The following USP42 variants were observed in gnomAD, a reference collection of about 807,000 sequenced individuals.
USP42 encodes ubiquitin carboxyl-terminal hydrolase 42.
USP42 carries 23 observed loss-of-function variants against 113.0 expected under a neutral mutation model. The observed-to-expected ratio is 0.20, with a 90% CI of 0.15 to 0.29. USP42 has a LOEUF of 0.29. Among genes scored for constraint, USP42 ranks in the 10% least tolerant of loss-of-function variants. The pLI, the probability that USP42 is intolerant of heterozygous loss-of-function variation, is 1.00. For synonymous variants in USP42, 933 were observed against 699.0 expected, an observed-to-expected ratio of 1.33 and a Z score of -5.28; for missense variants, 2,174 against 1,779.8, an observed-to-expected ratio of 1.22 and a Z score of -3.99.
At chr7:6,121,074 A>G (rs530829287) in intron 3 of USP42, among the ~76,000 whole-genome samples, 2 of 152,100 alleles carry the variant, frequency 1.3e-5, no homozygotes, top group East Asian at 1.9e-4. Context: ...AGACGCAACT[A>G]TGTGATACGT....
At chr7:6,136,055 A>C in intron 4 of USP42, 104 bp downstream of exon 4, 2 of 691,600 alleles carry the variant, frequency 2.9e-6, no homozygotes, top group Non-Finnish European at 4.5e-6. Flanking sequence ...CCTAGGCTGG[A>C]ATGTAGTGGC....
intron 1 of USP42, among the ~76,000 whole-genome samples, chr7:6,108,358 T>G (rs558067596): frequency 6.6e-6 from 1 of 152,168 alleles, no homozygotes; most frequent in Non-Finnish European, 1.5e-5. Flanking sequence ...GGCAACGTAG[T>G]GAGACCCTGT....
chr7:6,125,751 CTTTTGTTTTGT>C (rs1292224129), intron 3 of USP42, among the ~76,000 whole-genome samples: 3 of 149,166 alleles, frequency 2.0e-5, no homozygotes, highest in African/African-American at 7.4e-5. Context: ...TTTTTCCTTA[CTTTTGTTTTGT>C]TTTGTTTTTT....
chr7:6,151,526 C>G (rs1782050070), intron 14 of USP42, among the ~76,000 whole-genome samples: 1 of 152,222 alleles, frequency 6.6e-6, no homozygotes, highest in South Asian at 2.1e-4. Flanking sequence ...CAGCCTCCGC[C>G]TCCCAAGTTC....
the USP42 span, among the ~76,000 whole-genome samples, chr7:6,091,979 TTCTTCTTCTTC>T: frequency 9.2e-5 from 2 of 21,646 alleles, 1 homozygote; most frequent in African/African-American, 2.8e-4. Context: ...GACGTATTTT[TTCTTCTTCTTC>T]TTCTTCTTCT....
At chr7:6,122,013 T>G (rs1289546752) in intron 3 of USP42, among the ~76,000 whole-genome samples, 1 of 152,198 alleles carries the variant, frequency 6.6e-6, no homozygotes, top group Non-Finnish European at 1.5e-5. Flanking sequence ...ACTGATCTTC[T>G]CAAAGAACGA....
rs1178268251 is a variant in USP42 at position 6,154,006 on chromosome 7, C to T, written c.2452C>T (p.Leu818=). Residue 818 remains leucine (L), a synonymous_variant, in exon 15 of 18, where the codon CTG becomes TTG. Transcript: ENST00000306177. ...CGTGGGGGACACAGCACCCCCTGAC[C>T]TGTGTGATCCCGGGAGCTTAACAGG... The part of the protein sequence containing the change: ...DIVGDTAPPD[L]CDPGSLTGDA... 3.1e-6 allele frequency: 5 copies of T among 1,603,380 alleles called. No homozygotes were observed. Among genetic ancestry groups the T allele is most frequent in the East Asian group, 2.2e-5 (1 of 44,848 alleles).
Position 6,157,194 on chromosome 7 carries a change from G to A in USP42, c.3943+139G>A. 3 of 1,432,344 alleles carry A rather than the reference G, an allele frequency of 2.1e-6. No homozygotes were observed. The highest frequency in any genetic ancestry group is 2.7e-6 in the Non-Finnish European group (3 of 1,098,662). 88.7% of individuals were successfully genotyped at this position (1,432,344 alleles called of 1,614,324 possible). The stretch of plus-strand genomic sequence containing the variant: ...TACTCAGAGCACCCCTGCCCTGCCT[G>A]GTCTGGCCTCAGTGCTCATCCCTGC... On this transcript the variant is annotated intron_variant, in intron 16 of 17. Transcript: ENST00000306177. This position sits in a 1 kb window ranked among gnomAD's most constrained non-coding sequence, Gnocchi z 4.1.
chr7:6,100,682 CTTT>C (rs1228529787), upstream of USP42, among the ~76,000 whole-genome samples: 6 of 130,136 alleles, frequency 4.6e-5, no homozygotes, highest in African/African-American at 6.0e-5. Context: ...TATCCACTGT[CTTT>C]TTTTTTTTTT....
chr7:6,086,220 T>G, the USP42 span, among the ~76,000 whole-genome samples: 3 of 145,762 alleles, frequency 2.1e-5, no homozygotes, highest in Admixed American at 6.8e-5. Flanking sequence ...TTTTTTTTTT[T>G]TTTGAGACAG....
chr7:6,105,692 C>T (rs1779240991), intron 1 of USP42, among the ~76,000 whole-genome samples: 1 of 152,222 alleles, frequency 6.6e-6, no homozygotes, highest in Admixed American at 6.5e-5. Context: ...TGGCGCGTCC[C>T]CAAAAGCATG....
Position 6,145,670 on chromosome 7 carries a change from A to C in USP42, c.1131+14A>C, listed in dbSNP as rs200495011. 2.3e-5 allele frequency: 37 copies of C among 1,610,142 alleles called. No homozygotes were observed. The highest frequency in any genetic ancestry group is 2.7e-5 in the Non-Finnish European group (32 of 1,177,872). On this transcript the variant is annotated intron_variant, in intron 10 of 17. Coordinates refer to ENST00000306177, the MANE Select transcript of USP42 (RefSeq NM_032172.3). ...TGCTACATAAAAGTAAGCTGTGCAG[A>C]TTTGCTATTAACTATTGTTACATAC...
chr7:6,105,950 G>C (rs1050170639), intron 1 of USP42, among the ~76,000 whole-genome samples: 4 of 152,190 alleles, frequency 2.6e-5, no homozygotes, highest in African/African-American at 9.7e-5. Context: ...AAAACTGTTT[G>C]AGAAACTAGT....
At chr7:6,123,243 G>T (rs1202452364) in intron 3 of USP42, among the ~76,000 whole-genome samples, 1 of 152,190 alleles carries the variant, frequency 6.6e-6, no homozygotes, top group Non-Finnish European at 1.5e-5. Context: ...GCCACCCCAA[G>T]CTGGGCATGA....
intron 3 of USP42, among the ~76,000 whole-genome samples, chr7:6,126,792 A>G (rs932894702): frequency 1.3e-5 from 2 of 151,966 alleles, no homozygotes; most frequent in African/African-American, 4.8e-5. Context: ...CCAGGTTGTT[A>G]CTAGTTTTGG....
At chr7:6,143,158 G>A in intron 8 of USP42, 144 bp downstream of exon 8, 2 of 770,136 alleles carry the variant, frequency 2.6e-6, no homozygotes, top group East Asian at 2.7e-5. Context: ...GTCGTCCAAA[G>A]GCGAGAGCCC....
At position 6,111,177 on chromosome 7, in the gene USP42, C is replaced by T. The variant is rs976603327; in HGVS notation, c.44C>T (p.Ala15Val). Residue 15 changes from alanine to valine, a missense_variant, in exon 2 of 18, where the codon GCC becomes GTC. Physicochemically the swap from Ala to Val is moderately conservative, Grantham distance 64 (BLOSUM62 0). Transcript: ENST00000306177. ...DKASESSDPS[A>V]YQNQPGSSEA... ...GCTTCTGAATCTTCAGACCCATCAG[C>T]CTATCAGAATCAGCCTGGCAGCTCC... The T allele has an allele frequency of 5.0e-6, 8 of 1,613,084 alleles. No individual in the cohort carries two copies. Among genetic ancestry groups the T allele is most frequent in the Non-Finnish European group, 6.8e-6 (8 of 1,179,462 alleles).
At position 6,139,708 on chromosome 7, in the gene USP42, T is replaced by C. The variant is rs929942056; in HGVS notation, c.657-420T>C. 1.6e-5 allele frequency: 4 copies of C among 244,194 alleles called. No homozygotes were observed. Among genetic ancestry groups the C allele is most frequent in the Admixed American group, 1.6e-4 (3 of 19,112 alleles). 15.1% of individuals were successfully genotyped at this position (244,194 alleles called of 1,614,324 possible). A position where few individuals can be genotyped will look rare whatever the true frequency, so the allele number is the denominator to read the frequency against. On this transcript the variant is annotated intron_variant, in intron 5 of 17. Transcript: ENST00000306177. This position sits in a 1 kb window ranked among gnomAD's most constrained non-coding sequence, Gnocchi z 4.5. ...GACACCTGGTAGATCTCCCTCTGCA[T>C]TCTCCCTGCCCTGGCACCGCCCTGT... is the stretch of plus-strand genomic sequence containing the variant.
At chr7:6,110,363 A>G (rs1185966568) in intron 1 of USP42, among the ~76,000 whole-genome samples, 1 of 152,164 alleles carries the variant, frequency 6.6e-6, no homozygotes, top group Non-Finnish European at 1.5e-5. Flanking sequence ...AATTAAGTTA[A>G]TGTATGTCCA....
Sources: gnomAD v4.1 joint callset for allele counts (sites outside exome capture counted in the v4.1 genomes callset) on GRCh38, gnomAD v4.1.1 for gene constraint, Gnocchi (gnomAD v3.1) non-coding constraint, MANE v1.5 for transcripts, NCBI Gene and HGNC (gene_info 2026-07-23, HGNC 2026-07-21) for gene names.